PIK3AP1: variants seen among roughly 807,000 people sequenced by gnomAD.
PIK3AP1 encodes the protein phosphoinositide-3-kinase adaptor protein 1, also known as phosphoinositide 3-kinase adapter protein 1.
PIK3AP1 carries 21 observed loss-of-function variants against 88.1 expected under a neutral mutation model. The observed-to-expected ratio is 0.24, with a 90% confidence interval of 0.17 to 0.34. The LOEUF is 0.34. Ranked by LOEUF, PIK3AP1 falls within the 10% of genes least tolerant of loss-of-function variation. PIK3AP1 has a pLI of 1.00. For synonymous variants in PIK3AP1, 398 were observed against 400.0 expected, an observed-to-expected ratio of 1.00 and a Z score of 0.06; for missense variants, 828 against 1,035.7, an observed-to-expected ratio of 0.80 and a Z score of 2.75.
intron 2 of PIK3AP1, among the ~76,000 whole-genome samples, chr10:96,679,046 CACAG>C (rs1843963470): frequency 6.6e-6 from 1 of 152,228 alleles, no homozygotes; most frequent in Admixed American, 6.5e-5. Context: ...GGTTCAGCTT[CACAG>C]ACAGTCACAC....
chr10:96,628,889 C>CATATATATATATATAT (rs745432871), intron 8 of PIK3AP1, among the ~76,000 whole-genome samples: 1 of 60,848 alleles, frequency 1.6e-5, no homozygotes, highest in African/African-American at 6.0e-5. Context: ...TATATATATA[C>CATATATATATATATAT]ATATATATAT....
intron 2 of PIK3AP1, among the ~76,000 whole-genome samples, chr10:96,668,404 A>C (rs1398680081): frequency 1.3e-5 from 2 of 152,200 alleles, no homozygotes; most frequent in Non-Finnish European, 2.9e-5. Flanking sequence ...ATTTTGTTAA[A>C]CTAATTATTT....
At chr10:96,629,182 G>A (rs1843203768) in intron 8 of PIK3AP1, among the ~76,000 whole-genome samples, 1 of 151,950 alleles carries the variant, frequency 6.6e-6, no homozygotes, top group Non-Finnish European at 1.5e-5. Context: ...AATGTTGAGT[G>A]AAAAAGTTAC....
At chr10:96,672,763 G>A (rs1843864833) in intron 2 of PIK3AP1, among the ~76,000 whole-genome samples, 1 of 152,152 alleles carries the variant, frequency 6.6e-6, no homozygotes, top group Admixed American at 6.5e-5. Flanking sequence ...GCTGGGGCTG[G>A]GGCCCTCTAA....
intron 2 of PIK3AP1, among the ~76,000 whole-genome samples, chr10:96,703,448 C>T (rs1044798666): frequency 6.6e-6 from 1 of 152,116 alleles, no homozygotes; most frequent in Admixed American, 6.6e-5. Flanking sequence ...TGGGAGAATT[C>T]GGTTTAATGC....
At chr10:96,597,804 C>T (rs61858194) in intron 16 of PIK3AP1, among the ~76,000 whole-genome samples, 34,248 of 151,870 alleles carry the variant, frequency 0.23, 4,464 homozygotes, top group African/African-American at 0.34. Flanking sequence ...ATCTGTTCCC[C>T]AGGTATGCCC....
At chr10:96,623,396 T>C in intron 11 of PIK3AP1, 76 bp downstream of exon 11, 4 of 1,354,438 alleles carry the variant, frequency 3.0e-6, no homozygotes, top group Non-Finnish European at 4.2e-6. Flanking sequence ...CAAGGAGCTA[T>C]TGTTACACTT....
chr10:96,607,451 A>C (rs775733814), intron 14 of PIK3AP1, among the ~76,000 whole-genome samples: 1 of 152,168 alleles, frequency 6.6e-6, no homozygotes, highest in African/African-American at 2.4e-5. Context: ...GGAAGCAGCT[A>C]TCTATACTAT....
intron 2 of PIK3AP1, among the ~76,000 whole-genome samples, chr10:96,683,613 T>A (rs1399616002): frequency 6.6e-6 from 1 of 151,906 alleles, no homozygotes; most frequent in Non-Finnish European, 1.5e-5. Context: ...AAAATTGAGA[T>A]AATAAAATCA....
At chr10:96,679,233 T>C (rs1423796300) in intron 2 of PIK3AP1, among the ~76,000 whole-genome samples, 1 of 152,158 alleles carries the variant, frequency 6.6e-6, no homozygotes, top group Non-Finnish European at 1.5e-5. Context: ...GCATTTTGAA[T>C]TATTAATATC....
intron 2 of PIK3AP1, among the ~76,000 whole-genome samples, chr10:96,687,587 C>A (rs1175414744): frequency 1.3e-5 from 2 of 152,140 alleles, no homozygotes; most frequent in Non-Finnish European, 2.9e-5. Context: ...CAGTCACCCA[C>A]GCTCAAAATC....
At chr10:96,718,188 T>G (rs1844527272) in intron 1 of PIK3AP1, among the ~76,000 whole-genome samples, 1 of 152,226 alleles carries the variant, frequency 6.6e-6, no homozygotes, top group Non-Finnish European at 1.5e-5. Context: ...CAAGGTTTCT[T>G]TCTGAGGTGA....
At chr10:96,664,994 T>C (rs767143355) in intron 2 of PIK3AP1, among the ~76,000 whole-genome samples, 1 of 152,194 alleles carries the variant, frequency 6.6e-6, no homozygotes, top group Non-Finnish European at 1.5e-5. Flanking sequence ...CCTGAACATG[T>C]AGATCCCTCT....
chr10:96,611,942 T>G (rs1482039446), intron 13 of PIK3AP1, among the ~76,000 whole-genome samples: 1 of 152,216 alleles, frequency 6.6e-6, no homozygotes, highest in Admixed American at 6.5e-5. Flanking sequence ...ATCCTGATAT[T>G]CTTTGAATAA....
chr10:96,598,131 A>C (rs10882824), intron 16 of PIK3AP1, among the ~76,000 whole-genome samples: 149,014 of 150,188 alleles, frequency 0.99, 73,935 homozygotes, highest in Middle Eastern at 1. Flanking sequence ...ACAGCCTCAA[A>C]CTCCCAGGCT....
rs527982612 is a variant in PIK3AP1 at position 96,713,054 on chromosome 10, A to G, written c.14-3071T>C. Among the ~76,000 whole-genome samples, 488 of 152,298 alleles carry G rather than the reference A, an allele frequency of 3.2e-3. 1 individual carries two copies. The highest frequency in any genetic ancestry group is 7.3e-3 in the South Asian group (35 of 4,822). ...GGGAAGAAGAAAATTTCCTAAGCAT[A>G]AGAAGAACCCTTAAGAGGGCAGCTT... On this transcript the variant is annotated intron_variant, in intron 1 of 16. Coordinates refer to ENST00000339364, the MANE Select transcript of PIK3AP1 (RefSeq NM_152309.3).
intron 13 of PIK3AP1, among the ~76,000 whole-genome samples, chr10:96,611,524 C>T (rs1849109879): frequency 6.6e-6 from 1 of 152,108 alleles, no homozygotes; most frequent in African/African-American, 2.4e-5. Context: ...GGCTGGAGTG[C>T]AGTGGCGCCA....
At position 96,656,851 on chromosome 10, in the gene PIK3AP1, C is replaced by T. The variant is rs766807797; in HGVS notation, c.514G>A (p.Val172Met). Reference sequence around the variant, plus strand: ...ACCATCAGGTTCCCAGGTGAAGTCACCGTCGGCAGGTTCTGCTGCTTCGAG... The same window carrying T: ...ACCATCAGGTTCCCAGGTGAAGTCATCGTCGGCAGGTTCTGCTGCTTCGAG... ...SYSKQQNLPT[V>M]TSPGNLMVVQ... The change falls in exon 3 of 17, where the codon GTG becomes ATG. Residue 172 changes from valine (V) to methionine (M), a missense_variant. Transcript: ENST00000339364. The T allele has an allele frequency of 1.5e-5, 25 of 1,614,116 alleles. No homozygotes were observed. Among genetic ancestry groups the T allele is most frequent in the Non-Finnish European group, 2.0e-5 (24 of 1,180,026 alleles).
chr10:96,637,314 T>TCACACACA (rs55885337), intron 8 of PIK3AP1, among the ~76,000 whole-genome samples: 1,400 of 128,032 alleles, frequency 0.011, 15 homozygotes, highest in African/African-American at 0.029. Context: ...AGATATACAA[T>TCACACACA]CACACACACA....
Sources: allele counts gnomAD v4.1 joint callset (sites outside exome capture counted in the v4.1 genomes callset), GRCh38; gene constraint gnomAD v4.1.1; transcripts MANE v1.5; gene names NCBI Gene and HGNC (gene_info 2026-07-23, HGNC 2026-07-21).